PDE5A: variants seen among roughly 807,000 people sequenced by gnomAD.
PDE5A encodes cGMP-specific 3',5'-cyclic phosphodiesterase.
In PDE5A, 67 loss-of-function variants were observed where a neutral mutation model predicts 110.2. The observed-to-expected ratio is 0.61, with a 90% CI of 0.50 to 0.75. PDE5A has a LOEUF of 0.75. Ranked by LOEUF, PDE5A falls within the 30% of genes least tolerant of loss-of-function variation. The pLI is 0.00. For synonymous variants in PDE5A, 328 were observed against 351.2 expected (o/e 0.93, Z 0.74); for missense variants, 862 against 1,045.1 (o/e 0.82, Z 2.42).
chr4:119,578,811 T>G (rs1293284415), intron 3 of PDE5A, among the ~76,000 whole-genome samples: 1 of 151,762 alleles, frequency 6.6e-6, no homozygotes, highest in African/African-American at 2.4e-5. Flanking sequence ...CCAAAAGCAA[T>G]GACAACAAAA....
rs1176620281 is a variant in PDE5A, at chr4:119,628,387, T to G, written c.152+133A>C. Reference sequence around the variant, plus strand: ...TTTTTCGACTGTGCTCGCTTAGAGTTGAGGTTTCTACCTCGTAACAGGACC... The same window carrying G: ...TTTTTCGACTGTGCTCGCTTAGAGTGGAGGTTTCTACCTCGTAACAGGACC... On this transcript the variant is annotated intron_variant, in intron 1 of 20. Coordinates refer to ENST00000354960, the MANE Select transcript of PDE5A (RefSeq NM_001083.4). 2.2e-5 allele frequency: 14 copies of G among 629,538 alleles called. 1 individual carries two copies. The highest frequency in any genetic ancestry group is 3.2e-5 in the Non-Finnish European group (12 of 373,756). The allele number at this position is 629,538 out of a possible 1,614,324, so 39.0% of individuals were successfully genotyped here.
At position 119,568,155 on chromosome 4, in the gene PDE5A, C is replaced by A. The variant is rs1238128062; in HGVS notation, c.832-1011G>T. On this transcript the variant is annotated intron_variant, in intron 3 of 20. Coordinates refer to ENST00000354960, the MANE Select transcript of PDE5A (RefSeq NM_001083.4). ...CTCTCTCTCTCTCTTTTTTTTTTGCCCATATGGTAAAGGGATATTAATTGT... is the reference window on the plus strand; with the variant it reads ...CTCTCTCTCTCTCTTTTTTTTTTGCACATATGGTAAAGGGATATTAATTGT... Among the ~76,000 whole-genome samples the A allele has an allele frequency of 3.3e-5, 5 of 149,770 alleles. No homozygotes were observed. The East Asian group carries it at 9.7e-4, about 29-fold the overall frequency.
At chr4:119,506,986 A>T (rs534625452) in intron 16 of PDE5A, among the ~76,000 whole-genome samples, 1 of 151,968 alleles carries the variant, frequency 6.6e-6, no homozygotes, top group Non-Finnish European at 1.5e-5. Context: ...CATGCGTCAA[A>T]GATCTCAGCT....
chr4:119,531,117 G>A (rs1232862144), intron 11 of PDE5A, among the ~76,000 whole-genome samples: 15 of 152,072 alleles, frequency 9.9e-5, no homozygotes, highest in Non-Finnish European at 2.2e-4. Flanking sequence ...ACTGAAAATG[G>A]TGAATTCCAG....
At position 119,627,336 on chromosome 4, in the gene PDE5A, C is replaced by T. The variant is rs1193676116; in HGVS notation, c.152+1184G>A. 5 of 1,114,800 alleles carry T rather than the reference C, an allele frequency of 4.5e-6. No homozygotes were observed. Among genetic ancestry groups the T allele is most frequent in the African/African-American group, 1.7e-5 (1 of 60,224 alleles). 69.1% of individuals were successfully genotyped at this position (1,114,800 alleles called of 1,614,324 possible). A position where few individuals can be genotyped will look rare whatever the true frequency, so the allele number is the denominator to read the frequency against. On this transcript the variant is annotated intron_variant, in intron 1 of 20. Transcript: ENST00000354960. The surrounding 1 kb of genome is among the most constrained non-coding windows in gnomAD (Gnocchi z 4.6). The stretch of plus-strand genomic sequence containing the variant: ...GCGCCGCCGCCCGTCGCCTCCCGCT[C>T]GCCCCGCGCTGCGCCGCCCCCTGGC...
rs148996523 is a variant in PDE5A, at chr4:119,628,539, A to G, written c.133T>C (p.Phe45Leu). The G allele has an allele frequency of 5.7e-6, 9 of 1,588,060 alleles. No homozygotes were observed. The highest frequency in any genetic ancestry group is 1.7e-5 in the Admixed American group (1 of 58,378). ...TCTTACCTGGTGGCTTTTCTAACAA[A>G]GTATGAGAAGGTAAAGTCCCAGTGA... ...DDHWDFTFSY[F>L]VRKATREMVN... The change falls in exon 1 of 21, where the codon TTT (phenylalanine) becomes CTT (leucine). Residue 45 changes from phenylalanine to leucine, a missense_variant. Phe to Leu is a conservative substitution (Grantham distance 22). Transcript: ENST00000354960.
intron 3 of PDE5A, among the ~76,000 whole-genome samples, chr4:119,577,134 C>A (rs1265349781): frequency 1.3e-5 from 2 of 152,158 alleles, no homozygotes; most frequent in African/African-American, 2.4e-5. Flanking sequence ...AAGACTAAAC[C>A]AGGAAGAAGT....
At chr4:119,601,968 A>C (rs1257048086) in intron 2 of PDE5A, among the ~76,000 whole-genome samples, 2 of 152,118 alleles carry the variant, frequency 1.3e-5, no homozygotes, top group Non-Finnish European at 2.9e-5. Flanking sequence ...ACTGTTTCAG[A>C]TGGAGGGGAG....
intron 3 of PDE5A, among the ~76,000 whole-genome samples, chr4:119,589,650 G>A (rs1229204661): frequency 2.6e-5 from 4 of 151,916 alleles, no homozygotes; most frequent in Non-Finnish European, 5.9e-5. Context: ...TTGTAGTCAT[G>A]GTTCTTCTCT....
intron 3 of PDE5A, among the ~76,000 whole-genome samples, chr4:119,585,305 C>T (rs1728723517): frequency 6.6e-6 from 1 of 151,852 alleles, no homozygotes; most frequent in African/African-American, 2.4e-5. Flanking sequence ...CTTTTAATAC[C>T]TCAATAGTTT....
intron 2 of PDE5A, among the ~76,000 whole-genome samples, chr4:119,598,153 T>C (rs1729219297): frequency 6.6e-6 from 1 of 152,190 alleles, no homozygotes; most frequent in South Asian, 2.1e-4. Context: ...GTTACTTTGT[T>C]AATAAACATT....
intron 4 of PDE5A, 57 bp from the exon 5 acceptor site, chr4:119,565,467 G>T: frequency 1.8e-6 from 2 of 1,103,360 alleles, no homozygotes; most frequent in Non-Finnish European, 2.8e-6. Flanking sequence ...TAGTTACATT[G>T]CCTGAAATAC....
chr4:119,542,785 C>G, intron 9 of PDE5A, 151 bp from the exon 10 acceptor site: 1 of 657,850 alleles, frequency 1.5e-6, no homozygotes, highest in Non-Finnish European at 2.6e-6. Flanking sequence ...CAAATATAAG[C>G]TAGAGAAGTA....
chr4:119,500,347 T>TTGA, intron 20 of PDE5A: 1 of 151,858 alleles, frequency 6.6e-6, no homozygotes, highest in African/African-American at 2.4e-5. Context: ...TTAAATTCTT[T>TTGA]TGATGGCGAG....
chr4:119,511,183 T>C (rs934500687), intron 14 of PDE5A, 49 bp from the exon 15 acceptor site: 2 of 1,160,436 alleles, frequency 1.7e-6, no homozygotes, highest in Admixed American at 1.7e-5. Flanking sequence ...TTCCTTAATA[T>C]GCCATTTATC....
At chr4:119,520,581 G>A in intron 13 of PDE5A, among the ~76,000 whole-genome samples, 1 of 152,078 alleles carries the variant, frequency 6.6e-6, no homozygotes, top group East Asian at 1.9e-4. Flanking sequence ...CTACTATGGA[G>A]CAGGTTGAAT....
chr4:119,590,686 C>T (rs376264354), intron 3 of PDE5A, among the ~76,000 whole-genome samples: 2 of 152,266 alleles, frequency 1.3e-5, no homozygotes, highest in South Asian at 4.1e-4. Context: ...ATGAAAAGAA[C>T]TCCCAAACAT....
At chr4:119,560,128 GTC>G (rs1328454087) in intron 7 of PDE5A, among the ~76,000 whole-genome samples, 166 bp downstream of exon 7, 2 of 152,138 alleles carry the variant, frequency 1.3e-5, no homozygotes, top group African/African-American at 2.4e-5. Context: ...GTGGTCAATA[GTC>G]TCTCCATCTT....
At chr4:119,524,205 G>A (rs1022385740) in intron 12 of PDE5A, among the ~76,000 whole-genome samples, 1 of 152,028 alleles carries the variant, frequency 6.6e-6, no homozygotes, top group African/African-American at 2.4e-5. Flanking sequence ...TAACAGAAAA[G>A]GAAACTGAGA....
Sources: allele counts gnomAD v4.1 joint callset (sites outside exome capture counted in the v4.1 genomes callset), GRCh38; gene constraint gnomAD v4.1.1; non-coding constraint Gnocchi (gnomAD v3.1); transcripts MANE v1.5; gene names NCBI Gene and HGNC (gene_info 2026-07-23, HGNC 2026-07-21).